Variants in NUP58 observed in about 807,000 individuals in gnomAD.
The protein encoded by NUP58 is nucleoporin 58, also known as nucleoporin p58/p45.
NUP58 carries 17 observed loss-of-function variants against 70.1 expected under a neutral mutation model. That is an observed-to-expected ratio of 0.24 (90% CI 0.17 to 0.36). The LOEUF (loss-of-function observed/expected upper bound fraction) is 0.36, where lower values mean the gene tolerates loss of function less well. NUP58 is among the 10% of genes least tolerant of loss of function. The pLI, the probability that NUP58 is intolerant of heterozygous loss-of-function variation, is 1.00. For synonymous variants in NUP58, 275 were observed against 257.6 expected (o/e 1.07, Z -0.65); for missense variants, 644 against 701.5 (o/e 0.92, Z 0.93).
rs2031915517 is a variant in NUP58, at chr13:25,340,300, C to CT, written c.*172dup. On this transcript the variant is annotated 3_prime_UTR_variant, in exon 16 of 16. Transcript: ENST00000381736. ...TCTTCATGTTTGCCATACTGAACATCTTTTTTCTTGTGGAATTTAAAGTCC... is the reference window on the plus strand; with the variant it reads ...TCTTCATGTTTGCCATACTGAACATCTTTTTTTCTTGTGGAATTTAAAGTCC... 6.9e-6 allele frequency: 4 copies of CT among 580,210 alleles called. No individual in the cohort carries two copies. The highest frequency in any genetic ancestry group is 2.0e-5 in the African/African-American group (1 of 51,084). 35.9% of individuals were successfully genotyped at this position (580,210 alleles called of 1,614,324 possible).
rs1366033572 is a variant in NUP58 at position 25,342,263 on chromosome 13, TTA to T, written c.*2133_*2134del. On this transcript the variant is annotated 3_prime_UTR_variant, in exon 16 of 16. Transcript: ENST00000381736. ...ATATTTATATTTCTTGTTTTTTTCT[TTA>T]TATGTTTTGCATTTTAATATGTTGA... The T allele has an allele frequency of 6.6e-6, 1 of 152,656 alleles. No homozygotes were observed. The highest frequency in any genetic ancestry group is 1.5e-5 in the Non-Finnish European group (1 of 68,022). 9.5% of individuals were successfully genotyped at this position (152,656 alleles called of 1,614,324 possible).
At chr13:25,345,668 A>T (rs898758244), downstream of NUP58, among the ~76,000 whole-genome samples, 4 of 152,168 alleles carry the variant, frequency 2.6e-5, no homozygotes, top group Admixed American at 2.6e-4. Flanking sequence ...GAGAAGTTTA[A>T]CAAGAAAACC....
In NUP58 at chr13:25,319,465, T is replaced by C. The variant is rs1424365594; in HGVS notation, c.710+115T>C. 14 of 860,116 alleles carry C rather than the reference T, an allele frequency of 1.6e-5. No homozygotes were observed. In the East Asian group the frequency reaches 3.4e-4, roughly 21 times the overall value. The allele number at this position is 860,116 out of a possible 1,614,324, so 53.3% of individuals were successfully genotyped here. A position where few individuals can be genotyped will look rare whatever the true frequency, so the allele number is the denominator to read the frequency against. Reference sequence around the variant, plus strand: ...CATATACATTTAGGAGAAAAAACTTTTTTGTAATGGTATTCGTTAAAAGTA... The same window carrying C: ...CATATACATTTAGGAGAAAAAACTTCTTTGTAATGGTATTCGTTAAAAGTA... On this transcript the variant is annotated intron_variant, in intron 7 of 15. Transcript: ENST00000381736.
intron 14 of NUP58, among the ~76,000 whole-genome samples, chr13:25,337,991 T>A (rs191011684): frequency 7.0e-4 from 106 of 152,290 alleles, no homozygotes; most frequent in East Asian, 5.4e-3. Flanking sequence ...CTTTGTGTGA[T>A]GAAAAATACT....
At chr13:25,344,279 C>G (rs897757630), downstream of NUP58, among the ~76,000 whole-genome samples, 1 of 152,078 alleles carries the variant, frequency 6.6e-6, no homozygotes, top group Non-Finnish European at 1.5e-5. Flanking sequence ...CAGAATCCCG[C>G]CTTGACCATG....
At chr13:25,332,512 G>T in intron 13 of NUP58, 1 of 981,438 alleles carries the variant, frequency 1.0e-6, no homozygotes, top group Non-Finnish European at 1.2e-6. Flanking sequence ...GTTCCATATA[G>T]TCCAGTAGTA....
intron 13 of NUP58, 122 bp from the exon 14 acceptor site, chr13:25,336,814 G>A: frequency 1.6e-6 from 1 of 612,128 alleles, no homozygotes; most frequent in Non-Finnish European, 2.7e-6. Context: ...TTTAACAAAT[G>A]GAATCAGTTA....
chr13:25,319,700 T>C (rs964312895), intron 7 of NUP58, among the ~76,000 whole-genome samples: 1 of 152,082 alleles, frequency 6.6e-6, no homozygotes, highest in African/African-American at 2.4e-5. Flanking sequence ...ATATGAATTA[T>C]TGTGCCAGTC....
intron 12 of NUP58, among the ~76,000 whole-genome samples, chr13:25,330,957 C>T (rs1340771684): frequency 1.3e-5 from 2 of 151,322 alleles, no homozygotes; most frequent in African/African-American, 4.9e-5. Context: ...CTGTTTTAAT[C>T]AAAAGGCTAT....
intron 13 of NUP58, chr13:25,336,088 T>A: frequency 8.0e-7 from 1 of 1,245,986 alleles, no homozygotes; most frequent in South Asian, 1.4e-5. Context: ...TGACTAATCG[T>A]TCTGCTTCTG....
chr13:25,327,420 T>G lies in NUP58; in HGVS notation c.1151-10T>G, dbSNP rs753755815. The stretch of plus-strand genomic sequence containing the variant: ...ATATATTTGGGTGATAATGTAATTT[T>G]CTTTTATAGATTTGTCAATGGCTAT... On this transcript the variant is annotated splice_polypyrimidine_tract_variant and intron_variant, in intron 11 of 15. Coordinates refer to ENST00000381736, the MANE Select transcript of NUP58 (RefSeq NM_014089.4). 5 of 1,567,954 alleles carry G rather than the reference T, an allele frequency of 3.2e-6. No homozygotes were observed. The highest frequency in any genetic ancestry group is 4.4e-6 in the Non-Finnish European group (5 of 1,141,940).
At chr13:25,345,020 T>C (rs1383887048), downstream of NUP58, among the ~76,000 whole-genome samples, 1 of 152,186 alleles carries the variant, frequency 6.6e-6, no homozygotes, top group Non-Finnish European at 1.5e-5. Flanking sequence ...ATACCTAACT[T>C]AAATCTCATG....
intron 1 of NUP58, chr13:25,302,883 C>G: frequency 2.2e-6 from 1 of 446,136 alleles, no homozygotes; most frequent in South Asian, 1.6e-5. Flanking sequence ...ACAACAGGTT[C>G]TGATAATGTT....
chr13:25,331,831 T>C, intron 13 of NUP58: 1 of 1,239,338 alleles, frequency 8.1e-7, no homozygotes, highest in Non-Finnish European at 1.0e-6. Context: ...TAGAACATGG[T>C]GTTTCACTAG....
At chr13:25,343,843 G>GCA (rs925151458), downstream of NUP58, among the ~76,000 whole-genome samples, 1 of 139,532 alleles carries the variant, frequency 7.2e-6, no homozygotes, top group Non-Finnish European at 1.5e-5. Context: ...ATATATATAC[G>GCA]CACACACACA....
chr13:25,334,109 G>A, intron 13 of NUP58: 1 of 985,192 alleles, frequency 1.0e-6, no homozygotes, highest in Non-Finnish European at 1.2e-6. Flanking sequence ...TGTTCTGAAG[G>A]CTGCAGAGAA....
intron 7 of NUP58, 171 bp from the exon 8 acceptor site, chr13:25,320,358 AT>A: frequency 2.0e-6 from 1 of 495,144 alleles, no homozygotes; most frequent in Non-Finnish European, 3.5e-6. Context: ...TATAGATCCT[AT>A]TTACAATAAA....
At chr13:25,314,919 A>G (rs2030855359) in intron 5 of NUP58, among the ~76,000 whole-genome samples, 1 of 152,154 alleles carries the variant, frequency 6.6e-6, no homozygotes, top group African/African-American at 2.4e-5. Flanking sequence ...TATATTCAAT[A>G]CATGTTATAT....
intron 12 of NUP58, 34 bp downstream of exon 12, chr13:25,327,546 A>G (rs765096934): frequency 1.6e-5 from 22 of 1,362,430 alleles, no homozygotes; most frequent in Non-Finnish European, 2.2e-5. Flanking sequence ...CTACCTGGAT[A>G]TGTAGACCCA....
Sources: gnomAD v4.1 joint callset for allele counts (sites outside exome capture counted in the v4.1 genomes callset) on GRCh38, gnomAD v4.1.1 for gene constraint, MANE v1.5 for transcripts, NCBI Gene and HGNC (gene_info 2026-07-23, HGNC 2026-07-21) for gene names.